Variants in CLN3 observed in about 807,000 individuals in gnomAD.
CLN3 encodes battenin.
CLN3 carries 49 observed loss-of-function variants against 60.7 expected under a neutral mutation model. The observed-to-expected ratio is 0.81, with a 90% confidence interval of 0.64 to 1.02. The LOEUF (loss-of-function observed/expected upper bound fraction) is 1.02. Among genes scored for constraint, CLN3 ranks in the 50% least tolerant of loss-of-function variants. The pLI, the probability that CLN3 is intolerant of heterozygous loss-of-function variation, is 0.00. For synonymous variants in CLN3, 256 were observed against 245.8 expected (o/e 1.04, Z -0.39); for missense variants, 516 against 557.4 (o/e 0.93, Z 0.75).
Position 28,482,394 on chromosome 16 carries a change from A to G in CLN3, c.907-12T>C. 3 of 1,613,986 alleles carry G rather than the reference A, an allele frequency of 1.9e-6. No homozygotes were observed. The highest frequency in any genetic ancestry group is 2.5e-6 in the Non-Finnish European group (3 of 1,179,978). ...AAGAGGAGTTCAAACTGCAACAAAT[A>G]CCAGACAGGGGAGATGGACGGGGCT... On this transcript the variant is annotated splice_polypyrimidine_tract_variant and intron_variant, in intron 12 of 15. Coordinates refer to ENST00000636147, the MANE Select transcript of CLN3 (RefSeq NM_001042432.2).
chr16:28,472,525 TA>T (rs1484520467), downstream of CLN3, among the ~76,000 whole-genome samples: 2 of 151,862 alleles, frequency 1.3e-5, no homozygotes, highest in Non-Finnish European at 2.9e-5. Flanking sequence ...ATGTAAGAGC[TA>T]AAACTATAAA....
chr16:28,486,719 C>T, intron 7 of CLN3, 69 bp from the exon 8 acceptor site: 2 of 1,429,990 alleles, frequency 1.4e-6, no homozygotes, highest in South Asian at 2.4e-5. Flanking sequence ...TCTAATGTGT[C>T]TGGCCATGGC....
intron 4 of CLN3, among the ~76,000 whole-genome samples, 197 bp downstream of exon 4, chr16:28,489,093 A>T (rs374249559): frequency 1.1e-4 from 17 of 151,834 alleles, no homozygotes; most frequent in African/African-American, 3.9e-4. Context: ...GTAGAGTCGG[A>T]GTTTCACCAT....
At chr16:28,487,419 T>C in intron 7 of CLN3, 37 bp downstream of exon 7, 1 of 1,534,274 alleles carries the variant, frequency 6.5e-7, no homozygotes, top group South Asian at 1.1e-5. Flanking sequence ...ATGTGGTTCC[T>C]CGGGGCTCCC....
chr16:28,491,403 A>C, intron 3 of CLN3, 79 bp downstream of exon 3: 1 of 1,553,618 alleles, frequency 6.4e-7, no homozygotes, highest in South Asian at 1.2e-5. Flanking sequence ...TGCGCAGCTT[A>C]ACTCTTTCTT....
chr16:28,490,108 C>G (rs893236634), intron 3 of CLN3, among the ~76,000 whole-genome samples: 1 of 148,610 alleles, frequency 6.7e-6, no homozygotes, highest in African/African-American at 2.5e-5. Context: ...CTGGGAGAGG[C>G]CTTGGAGGCT....
chr16:28,486,992 C>T (rs963375106), intron 7 of CLN3: 11 of 380,734 alleles, frequency 2.9e-5, no homozygotes, highest in Admixed American at 7.4e-5. Flanking sequence ...CTCACTGCAA[C>T]CTCTGCCTCC....
chr16:28,488,347 T>A (rs996317177), intron 5 of CLN3: 3 of 248,036 alleles, frequency 1.2e-5, no homozygotes. Context: ...TATTTTTTAA[T>A]TTTTTTCTTT....
chr16:28,487,217 A>G (rs1360413604), intron 7 of CLN3: 2 of 596,380 alleles, frequency 3.4e-6, no homozygotes, highest in Admixed American at 2.7e-5. Context: ...GGTCCATCAC[A>G]GAGTCTTGAC....
chr16:28,482,752 T>A, intron 10 of CLN3, 80 bp from the exon 11 acceptor site: 1 of 1,453,534 alleles, frequency 6.9e-7, no homozygotes, highest in Non-Finnish European at 9.6e-7. Context: ...ATGACAGAAT[T>A]AACCAGACCA....
At chr16:28,484,222 C>G (rs1366356567) in intron 9 of CLN3, 104 bp from the exon 10 acceptor site, 5 of 796,038 alleles carry the variant, frequency 6.3e-6, no homozygotes, top group Non-Finnish European at 1.1e-5. Context: ...CCTTTGAACA[C>G]TTTCAAAGAT....
chr16:28,481,417 A>AACACACATACAC (rs1443738755), intron 14 of CLN3, among the ~76,000 whole-genome samples: 1 of 129,578 alleles, frequency 7.7e-6, no homozygotes, highest in African/African-American at 2.9e-5. Context: ...CAATGCTTAA[A>AACACACATACAC]ACACACACAC....
At chr16:28,470,624 G>GAAGGGGAGGGGA (rs1567250671), downstream of CLN3, 1 of 67,100 alleles carries the variant, frequency 1.5e-5, no homozygotes, top group Non-Finnish European at 2.9e-5. Context: ...AGGGGAAGGG[G>GAAGGGGAGGGGA]AGGGGAGGGG....
chr16:28,487,805 C>G, intron 5 of CLN3, 64 bp from the exon 6 acceptor site: 1 of 1,378,398 alleles, frequency 7.3e-7, no homozygotes, highest in Non-Finnish European at 1.0e-6. Flanking sequence ...AACCACGTGG[C>G]CAAGGAGAGG....
chr16:28,487,759 A>G lies in CLN3; in HGVS notation c.295-18T>C. 8 of 1,604,138 alleles carry G rather than the reference A, an allele frequency of 5.0e-6. No individual in the cohort carries two copies. The highest frequency in any genetic ancestry group is 6.8e-6 in the Non-Finnish European group (8 of 1,172,944). On this transcript the variant is annotated intron_variant, in intron 5 of 15. Transcript: ENST00000636147. ...AGCACAGCCTGGGACAGGAGAATAGAGTGAGACCGCAGAGCTTCCAGGGGA... is the reference window on the plus strand; with the variant it reads ...AGCACAGCCTGGGACAGGAGAATAGGGTGAGACCGCAGAGCTTCCAGGGGA...
At chr16:28,490,269 C>T (rs1180139256) in intron 3 of CLN3, 2 of 151,570 alleles carry the variant, frequency 1.3e-5, no homozygotes, top group East Asian at 3.9e-4. Flanking sequence ...ATGGTGAAAT[C>T]CTGTCTTTAC....
intron 10 of CLN3, among the ~76,000 whole-genome samples, chr16:28,483,713 CTTT>C (rs755660742): frequency 1.5e-4 from 15 of 100,524 alleles, no homozygotes; most frequent in African/African-American, 6.8e-4. Flanking sequence ...CCTTTCTTTT[CTTT>C]TTTTTTTTTT....
intron 5 of CLN3, 26 bp from the exon 6 acceptor site, chr16:28,487,767 C>T (rs752434945): frequency 3.0e-5 from 47 of 1,589,392 alleles, no homozygotes; most frequent in Admixed American, 6.8e-5. Context: ...AGAGTGAGAC[C>T]GCAGAGCTTC....
At chr16:28,491,861 C>A in intron 1 of CLN3, 26 bp from the exon 2 acceptor site, 1 of 1,443,614 alleles carries the variant, frequency 6.9e-7, no homozygotes, top group Non-Finnish European at 9.5e-7. Flanking sequence ...AGGATCAACG[C>A]CCGATTGCCG....
Sources: allele counts gnomAD v4.1 joint callset (sites outside exome capture counted in the v4.1 genomes callset), GRCh38; gene constraint gnomAD v4.1.1; transcripts MANE v1.5; gene names NCBI Gene and HGNC (gene_info 2026-07-23, HGNC 2026-07-21).